The following NRXN2 variants were observed in gnomAD, a reference collection of about 807,000 sequenced individuals.
The protein encoded by NRXN2 is neurexin 2.
In NRXN2, 29 loss-of-function variants were observed where a neutral mutation model predicts 128.8. The ratio of observed to expected loss-of-function variants is 0.23; its 90% CI spans 0.17 to 0.31. NRXN2 has a LOEUF of 0.31. NRXN2 is among the 10% of genes least tolerant of loss of function. The pLI, the probability that NRXN2 is intolerant of heterozygous loss-of-function variation, is 1.00. For synonymous variants in NRXN2, 1,098 were observed against 1,075.2 expected (o/e 1.02, Z -0.41); for missense variants, 1,881 against 2,452.6 (o/e 0.77, Z 4.92).
chr11:64,645,807 C>T (rs2046567173), intron 17 of NRXN2, among the ~76,000 whole-genome samples: 1 of 152,174 alleles, frequency 6.6e-6, no homozygotes, highest in Non-Finnish European at 1.5e-5. Context: ...AACCCCCAGC[C>T]CCACCCTTCA....
intron 2 of NRXN2, among the ~76,000 whole-genome samples, chr11:64,711,748 CAA>C (rs2056915237): frequency 6.6e-6 from 1 of 152,188 alleles, no homozygotes; most frequent in Non-Finnish European, 1.5e-5. Context: ...CGTCTGTCAT[CAA>C]GAGAGACTAT....
At position 64,630,006 on chromosome 11, in the gene NRXN2, T is replaced by A. The variant is rs1481961682; in HGVS notation, c.3757+396A>T. Among the ~76,000 whole-genome samples the A allele has an allele frequency of 6.6e-6, 1 of 152,098 alleles. No homozygotes were observed. The highest frequency in any genetic ancestry group is 1.5e-5 in the Non-Finnish European group (1 of 68,020). On this transcript the variant is annotated intron_variant, in intron 19 of 22. Transcript: ENST00000265459. The surrounding 1 kb of genome is among the most constrained non-coding windows in gnomAD (Gnocchi z 4.6). Reference sequence around the variant, plus strand: ...CACGTTTTATATTACTTCTGGATTTTCTCTCCTGTTTCTGCATCTGTCTCC... The same window carrying A: ...CACGTTTTATATTACTTCTGGATTTACTCTCCTGTTTCTGCATCTGTCTCC...
chr11:64,611,599 GC>G (rs1299599848), intron 22 of NRXN2, among the ~76,000 whole-genome samples: 1 of 152,220 alleles, frequency 6.6e-6, no homozygotes, highest in Non-Finnish European at 1.5e-5. Context: ...GGGGCTTCAG[GC>G]CTTGGACCAC....
rs893436836 is a variant in NRXN2 at position 64,635,705 on chromosome 11, T to C, written c.3404-253A>G. Among the ~76,000 whole-genome samples, 1 of 151,564 alleles carries C rather than the reference T, an allele frequency of 6.6e-6. No homozygotes were observed. The highest frequency in any genetic ancestry group is 2.4e-5 in the African/African-American group (1 of 41,164). On this transcript the variant is annotated intron_variant, in intron 17 of 22. Coordinates refer to ENST00000265459, the MANE Select transcript of NRXN2 (RefSeq NM_015080.4). This position sits in a 1 kb window ranked among gnomAD's most constrained non-coding sequence, Gnocchi z 4.8. ...AATGCTAGCTTTAATTACAGCAAAA[T>C]AGAGAGGTAATAGAGTGACACAGAG...
intron 7 of NRXN2, among the ~76,000 whole-genome samples, chr11:64,673,658 G>T (rs2050910785): frequency 6.6e-6 from 1 of 151,826 alleles, no homozygotes; most frequent in African/African-American, 2.4e-5. Context: ...ACTGAAACAA[G>T]ACAGTATTGT....
intron 2 of NRXN2, among the ~76,000 whole-genome samples, chr11:64,701,975 G>T (rs1362416646): frequency 7.1e-6 from 1 of 141,704 alleles, no homozygotes; most frequent in Non-Finnish European, 1.5e-5. Flanking sequence ...CCCCCGCCCG[G>T]CCAGCTGCCC....
chr11:64,690,381 C>A (rs750767083), intron 5 of NRXN2, 24 bp downstream of exon 5: 1 of 1,606,694 alleles, frequency 6.2e-7, no homozygotes, highest in Non-Finnish European at 8.5e-7. Context: ...GCTGGGCTCT[C>A]TGGGGACCAT....
At chr11:64,694,887 C>T (rs1260310490) in intron 3 of NRXN2, among the ~76,000 whole-genome samples, 5 of 152,000 alleles carry the variant, frequency 3.3e-5, no homozygotes, top group Non-Finnish European at 5.9e-5. Context: ...CCTGTGAACC[C>T]ACCCTCTGTC....
At chr11:64,663,375 CAA>C (rs1191987645) in intron 9 of NRXN2, among the ~76,000 whole-genome samples, 22 of 105,374 alleles carry the variant, frequency 2.1e-4, no homozygotes, top group Admixed American at 4.0e-4. Context: ...AACTCTGACT[CAA>C]AAAAAAAAAA....
chr11:64,665,446 G>T (rs1365704353), intron 9 of NRXN2, among the ~76,000 whole-genome samples: 1 of 152,224 alleles, frequency 6.6e-6, no homozygotes, highest in African/African-American at 2.4e-5. Context: ...GCCCTGCAGT[G>T]CCCTGCAAGG....
intron 22 of NRXN2, among the ~76,000 whole-genome samples, chr11:64,617,614 G>A (rs2041735211): frequency 6.6e-6 from 1 of 152,212 alleles, no homozygotes; most frequent in Non-Finnish European, 1.5e-5. Flanking sequence ...ATGAGGATCT[G>A]CAAGGTGGGA....
At chr11:64,609,592 C>T (rs1227033093) in intron 22 of NRXN2, among the ~76,000 whole-genome samples, 1 of 152,074 alleles carries the variant, frequency 6.6e-6, no homozygotes, top group East Asian at 1.9e-4. Flanking sequence ...AACACAATTC[C>T]CATCAGCCAC....
intron 22 of NRXN2, among the ~76,000 whole-genome samples, chr11:64,609,759 A>C (rs2135262895): frequency 6.6e-6 from 1 of 152,128 alleles, no homozygotes; most frequent in South Asian, 2.1e-4. Flanking sequence ...GGGCCTGACG[A>C]GGGTTGGAGG....
Position 64,640,018 on chromosome 11 carries a change from T to C in NRXN2, c.3404-4566A>G, listed in dbSNP as rs1046326143. Among the ~76,000 whole-genome samples the C allele has an allele frequency of 2.8e-4, 42 of 152,120 alleles. 1 individual carries two copies. The highest frequency in any genetic ancestry group is 9.7e-4 in the African/African-American group (40 of 41,394). The stretch of plus-strand genomic sequence containing the variant: ...GGCCTCATCCCTTCTCCTCCTTTCC[T>C]TGGGCCCTCGTCCTTCCTCTCAGCT... On this transcript the variant is annotated intron_variant, in intron 17 of 22. Coordinates refer to ENST00000265459, the MANE Select transcript of NRXN2 (RefSeq NM_015080.4).
rs1244459610 is a variant in NRXN2, at chr11:64,685,700, G to T, written c.1098C>A (p.Gly366=). ...AFEALVEPVN[G]KFNDNAWHDV... is the part of the protein sequence containing the mutation. The stretch of plus-strand genomic sequence containing the variant: ...CGTGCCAGGCGTTGTCGTTGAACTT[G>T]CCATTGACGGGTTCCACAAGGGCCT... The change falls in exon 6 of 23, where the codon GGC becomes GGA. Residue 366 remains glycine, a synonymous_variant. Transcript: ENST00000265459. 1 of 1,614,200 alleles carries T rather than the reference G, an allele frequency of 6.2e-7. No individual in the cohort carries two copies. Among genetic ancestry groups the T allele is most frequent in the Non-Finnish European group, 8.5e-7 (1 of 1,180,050 alleles).
At chr11:64,658,043 G>A (rs2048505404) in intron 11 of NRXN2, among the ~76,000 whole-genome samples, 1 of 152,130 alleles carries the variant, frequency 6.6e-6, no homozygotes, top group African/African-American at 2.4e-5. Flanking sequence ...GAGAGGGTGG[G>A]TCCCAAGGGC....
At chr11:64,671,647 G>C (rs1441445677) in intron 7 of NRXN2, among the ~76,000 whole-genome samples, 1 of 152,030 alleles carries the variant, frequency 6.6e-6, no homozygotes, top group African/African-American at 2.4e-5. Context: ...GCCAGAGAAA[G>C]GCAGCCAGGT....
rs2057479979 is a variant in NRXN2, at chr11:64,723,052, G to A, written c.-326C>T. On this transcript the variant is annotated 5_prime_UTR_variant, in exon 1 of 23. Coordinates refer to ENST00000265459, the MANE Select transcript of NRXN2 (RefSeq NM_015080.4). ...CGTCTCCGACGGGTGGCAGAGCCAG[G>A]GCTAGCGGTGTCTGCCGCCTCGCGC... 1 of 150,752 alleles carries A rather than the reference G, an allele frequency of 6.6e-6. No homozygotes were observed. Among genetic ancestry groups the A allele is most frequent in the Non-Finnish European group, 1.5e-5 (1 of 67,398 alleles). 9.3% of individuals were successfully genotyped at this position (150,752 alleles called of 1,614,324 possible).
chr11:64,616,888 G>C (rs2041614146), intron 22 of NRXN2, among the ~76,000 whole-genome samples: 1 of 152,216 alleles, frequency 6.6e-6, no homozygotes, highest in Non-Finnish European at 1.5e-5. Flanking sequence ...TGGGAGCTGA[G>C]TAGGTGCACA....
Sources: allele counts gnomAD v4.1 joint callset (sites outside exome capture counted in the v4.1 genomes callset), GRCh38; gene constraint gnomAD v4.1.1; non-coding constraint Gnocchi (gnomAD v3.1); transcripts MANE v1.5; gene names NCBI Gene and HGNC (gene_info 2026-07-23, HGNC 2026-07-21).